Variants in MYO10 observed in about 807,000 individuals in gnomAD.
MYO10 encodes the protein unconventional myosin-X.
MYO10 carries 133 observed loss-of-function variants against 257.3 expected under a neutral mutation model. That is an observed-to-expected ratio of 0.52 (90% confidence interval 0.45 to 0.60). The LOEUF is 0.60. Ranked by LOEUF, MYO10 falls within the 20% of genes least tolerant of loss-of-function variation. The pLI is 0.00. For synonymous variants in MYO10, 1,104 were observed against 1,028.6 expected, an observed-to-expected ratio of 1.07 and a Z score of -1.40; for missense variants, 2,399 against 2,635.7, an observed-to-expected ratio of 0.91 and a Z score of 1.97.
At chr5:16,719,989 C>CGTGCGTGTGTGTGT (rs1554039262) in intron 19 of MYO10, among the ~76,000 whole-genome samples, 258 of 143,532 alleles carry the variant, frequency 1.8e-3, no homozygotes, top group African/African-American at 6.4e-3. Flanking sequence ...TGTGTGCGTG[C>CGTGCGTGTGTGTGT]GTGTGTGTGT....
In MYO10 at chr5:16,770,722, G is replaced by T. The variant is rs187404048; in HGVS notation, c.931-1519C>A. 1.3e-3 allele frequency among the ~76,000 whole-genome samples: 195 copies of T among 152,330 alleles called. 1 individual carries two copies. The highest frequency in any genetic ancestry group is 0.01 in the Middle Eastern group (3 of 294). On this transcript the variant is annotated intron_variant, in intron 9 of 40. Coordinates refer to ENST00000513610, the MANE Select transcript of MYO10 (RefSeq NM_012334.3). ...TCTGAAGCAACATAAATTGCAAAAG[G>T]AAACAACTGGAGATTTAACACTGCG...
chr5:16,777,419 T>C (rs1041566139), intron 9 of MYO10, among the ~76,000 whole-genome samples: 14 of 151,830 alleles, frequency 9.2e-5, no homozygotes, highest in African/African-American at 3.4e-4. Flanking sequence ...GATGCATGAT[T>C]TATATCCATT....
chr5:16,913,932 G>A (rs1017994391), intron 1 of MYO10, among the ~76,000 whole-genome samples: 6 of 152,104 alleles, frequency 3.9e-5, no homozygotes, highest in South Asian at 2.1e-4. Flanking sequence ...CCTGGATCAC[G>A]TGGGATACTA....
chr5:16,920,934 A>G (rs1036012826), intron 1 of MYO10, among the ~76,000 whole-genome samples: 2 of 152,052 alleles, frequency 1.3e-5, no homozygotes, highest in African/African-American at 2.4e-5. Flanking sequence ...CCTGACCAAC[A>G]TGGTGAAAGC....
intron 2 of MYO10, among the ~76,000 whole-genome samples, chr5:16,818,376 G>A (rs1301645157): frequency 1.6e-4 from 9 of 54,924 alleles, no homozygotes; most frequent in Non-Finnish European, 2.5e-4. Flanking sequence ...GTGTGTGTGT[G>A]TGTGCGTGTG....
intron 3 of MYO10, among the ~76,000 whole-genome samples, chr5:16,807,028 A>T (rs1274743165): frequency 2.0e-5 from 3 of 152,216 alleles, no homozygotes; most frequent in African/African-American, 2.4e-5. Flanking sequence ...TTTGAAATGC[A>T]CTGGGGAAAT....
intron 19 of MYO10, among the ~76,000 whole-genome samples, chr5:16,754,253 T>G (rs927632480): frequency 2.0e-5 from 3 of 152,160 alleles, no homozygotes; most frequent in Non-Finnish European, 4.4e-5. Context: ...CTTTTCCTTT[T>G]TAAGCTCACA....
intron 1 of MYO10, among the ~76,000 whole-genome samples, chr5:16,933,125 G>A (rs31460): frequency 0.4 from 60,100 of 152,012 alleles, 12,149 homozygotes; most frequent in Middle Eastern, 0.5. Context: ...AATTAATACC[G>A]CCAAACAACT....
At chr5:16,921,288 G>A (rs1745973774) in intron 1 of MYO10, among the ~76,000 whole-genome samples, 1 of 151,898 alleles carries the variant, frequency 6.6e-6, no homozygotes, top group African/African-American at 2.4e-5. Flanking sequence ...GAGAACAACT[G>A]TCAGTTTAAT....
intron 38 of MYO10, among the ~76,000 whole-genome samples, 195 bp from the exon 39 acceptor site, chr5:16,671,173 C>T (rs1736441216): frequency 6.6e-6 from 1 of 152,222 alleles, no homozygotes; most frequent in Non-Finnish European, 1.5e-5. Flanking sequence ...CCATCTAACA[C>T]ACGTCACATA....
chr5:16,891,290 G>C (rs374500029), intron 1 of MYO10, among the ~76,000 whole-genome samples: 1 of 146,614 alleles, frequency 6.8e-6, no homozygotes, highest in Non-Finnish European at 1.5e-5. Flanking sequence ...GTGAGACTCC[G>C]TCTTGAAAGA....
Position 16,699,510 on chromosome 5 carries a change from G to A in MYO10, c.3496C>T (p.Arg1166Cys). 26 of 1,613,724 alleles carry A rather than the reference G, an allele frequency of 1.6e-5. No homozygotes were observed. Among genetic ancestry groups the A allele is most frequent in the Non-Finnish European group, 2.1e-5 (25 of 1,179,788 alleles). ...FDTDDELSYR[R>C]DSVYSCVTLP... The stretch of plus-strand genomic sequence containing the variant: ...GTGACACAGCTGTACACAGAGTCAC[G>A]CCGGTATGAAAGCTCATCATCTGTA... Residue 1166 changes from arginine to cysteine, a missense_variant, in exon 26 of 41, where the codon CGT becomes TGT. By Grantham distance (180) the Arg-to-Cys change is radical. This residue lies in a region of MYO10 where 1,820 missense variants were observed against 1,939.4 expected (regional missense o/e 0.94). Coordinates refer to ENST00000513610, the MANE Select transcript of MYO10 (RefSeq NM_012334.3).
chr5:16,736,714 C>T (rs887123138), intron 19 of MYO10, among the ~76,000 whole-genome samples: 3 of 152,172 alleles, frequency 2.0e-5, no homozygotes, highest in African/African-American at 7.2e-5. Flanking sequence ...CATAGGCCAA[C>T]GTTTCAGTCA....
chr5:16,671,034 C>T, intron 38 of MYO10, 56 bp from the exon 39 acceptor site: 1 of 1,455,038 alleles, frequency 6.9e-7, no homozygotes, highest in Non-Finnish European at 9.3e-7. Context: ...CCATGGGATG[C>T]CCACGTCGCT....
At chr5:16,883,299 C>T (rs1453610852) in intron 1 of MYO10, among the ~76,000 whole-genome samples, 4 of 152,138 alleles carry the variant, frequency 2.6e-5, no homozygotes, top group African/African-American at 9.7e-5. Context: ...TAGGAAAGCC[C>T]AATCACATTT....
At chr5:16,865,318 G>A (rs1264606146) in intron 2 of MYO10, among the ~76,000 whole-genome samples, 2 of 152,024 alleles carry the variant, frequency 1.3e-5, no homozygotes, top group Non-Finnish European at 2.9e-5. Context: ...CACCCACCCC[G>A]ATATTCATAG....
chr5:16,897,421 A>T (rs1014571637), intron 1 of MYO10, among the ~76,000 whole-genome samples: 1 of 152,154 alleles, frequency 6.6e-6, no homozygotes, highest in Non-Finnish European at 1.5e-5. Flanking sequence ...CTATGCAAAG[A>T]CGTACGCCCT....
chr5:16,869,566 C>T (rs145910629), intron 2 of MYO10, among the ~76,000 whole-genome samples: 255 of 152,046 alleles, frequency 1.7e-3, no homozygotes, highest in Non-Finnish European at 3.0e-3. Flanking sequence ...AAGACCCTGT[C>T]GCTAAAAACA....
intron 2 of MYO10, among the ~76,000 whole-genome samples, chr5:16,840,704 T>A (rs1280639340): frequency 1.3e-5 from 2 of 151,954 alleles, no homozygotes; most frequent in Admixed American, 6.6e-5. Flanking sequence ...GCAATATGCA[T>A]TTTTGTTGTG....
Sources: allele counts gnomAD v4.1 joint callset (sites outside exome capture counted in the v4.1 genomes callset), GRCh38; gene constraint gnomAD v4.1.1; regional missense constraint gnomAD v4.1.1; transcripts MANE v1.5; gene names NCBI Gene and HGNC (gene_info 2026-07-23, HGNC 2026-07-21).